Variants in SNTB1 observed in about 807,000 individuals in gnomAD.
SNTB1 encodes the protein syntrophin beta 1.
In SNTB1, 36 loss-of-function variants were observed where a neutral mutation model predicts 48.9. The ratio of observed to expected loss-of-function variants is 0.74; its 90% confidence interval spans 0.56 to 0.97. SNTB1 has a LOEUF of 0.97. Ranked by LOEUF, SNTB1 falls within the 50% of genes least tolerant of loss-of-function variation. The probability of loss-of-function intolerance (pLI) is 0.00; values close to 1 mark genes in which losing one functional copy is unlikely to be tolerated. For synonymous variants in SNTB1, 299 were observed against 294.6 expected (o/e 1.01, Z -0.15); for missense variants, 786 against 703.4 (o/e 1.12, Z -1.33).
intron 1 of SNTB1, among the ~76,000 whole-genome samples, chr8:120,766,694 G>A (rs374689107): frequency 6.6e-6 from 1 of 152,108 alleles, no homozygotes; most frequent in Non-Finnish European, 1.5e-5. Flanking sequence ...ACTGTATAGC[G>A]CTATAATTGG....
intron 2 of SNTB1, among the ~76,000 whole-genome samples, chr8:120,673,673 T>C (rs1254276209): frequency 6.6e-6 from 1 of 151,950 alleles, no homozygotes; most frequent in African/African-American, 2.4e-5. Flanking sequence ...TTCCCAGAAG[T>C]GCCTGTTTCA....
intron 1 of SNTB1, among the ~76,000 whole-genome samples, chr8:120,798,617 C>A (rs941260829): frequency 6.6e-6 from 1 of 152,098 alleles, no homozygotes; most frequent in African/African-American, 2.4e-5. Flanking sequence ...CTCACAGGAA[C>A]TGTGCAATCA....
At chr8:120,801,912 G>A (rs777675297) in intron 1 of SNTB1, among the ~76,000 whole-genome samples, 2 of 152,116 alleles carry the variant, frequency 1.3e-5, no homozygotes, top group Non-Finnish European at 2.9e-5. Flanking sequence ...CCAAATTCGA[G>A]ACCTGCAAGT....
chr8:120,690,529 C>T (rs528555055), intron 2 of SNTB1, among the ~76,000 whole-genome samples: 7 of 152,288 alleles, frequency 4.6e-5, no homozygotes, highest in Middle Eastern at 3.4e-3. Flanking sequence ...ATAAATCAGT[C>T]CTTCCTTGTG....
intron 3 of SNTB1, among the ~76,000 whole-genome samples, chr8:120,605,675 AATG>A (rs1382567168): frequency 6.6e-6 from 1 of 152,110 alleles, no homozygotes; most frequent in African/African-American, 2.4e-5. Context: ...AACCTTCTGA[AATG>A]ATGACCTCAC....
chr8:120,786,916 C>A (rs1386941768), intron 1 of SNTB1, among the ~76,000 whole-genome samples: 1 of 152,206 alleles, frequency 6.6e-6, no homozygotes, highest in Non-Finnish European at 1.5e-5. Flanking sequence ...GAAGCCTGAA[C>A]TGTTCAACCC....
At chr8:120,768,067 A>G (rs1587145747) in intron 1 of SNTB1, among the ~76,000 whole-genome samples, 1 of 152,326 alleles carries the variant, frequency 6.6e-6, no homozygotes, top group Admixed American at 6.5e-5. Context: ...TGATCTGCCC[A>G]AGAGCCAGTT....
intron 3 of SNTB1, among the ~76,000 whole-genome samples, chr8:120,629,877 G>C (rs971978860): frequency 5.9e-5 from 9 of 152,210 alleles, no homozygotes; most frequent in African/African-American, 2.2e-4. Flanking sequence ...AAAACAGGAA[G>C]AGCTTTATAT....
chr8:120,788,182 G>A (rs1819959241), intron 1 of SNTB1, among the ~76,000 whole-genome samples: 1 of 152,032 alleles, frequency 6.6e-6, no homozygotes, highest in South Asian at 2.1e-4. Flanking sequence ...AAATGCTGGG[G>A]GAATTTGTCA....
intron 1 of SNTB1, among the ~76,000 whole-genome samples, chr8:120,714,490 T>TC (rs1818523664): frequency 6.6e-6 from 1 of 152,162 alleles, no homozygotes; most frequent in Admixed American, 6.5e-5. Flanking sequence ...GTCCTTTTTT[T>TC]TTTTTCTGGC....
At chr8:120,622,722 C>T (rs1306030978) in intron 3 of SNTB1, among the ~76,000 whole-genome samples, 5 of 152,132 alleles carry the variant, frequency 3.3e-5, no homozygotes, top group Non-Finnish European at 2.9e-5. Context: ...GTCTGTCCCA[C>T]CTAAAGGTCC....
intron 2 of SNTB1, among the ~76,000 whole-genome samples, chr8:120,674,620 C>A (rs117494759): frequency 6.6e-6 from 1 of 152,134 alleles, no homozygotes; most frequent in Non-Finnish European, 1.5e-5. Flanking sequence ...GTTTTTTTTC[C>A]TTACATTCTT....
intron 1 of SNTB1, among the ~76,000 whole-genome samples, chr8:120,766,948 T>C (rs943412408): frequency 6.6e-6 from 1 of 152,234 alleles, no homozygotes; most frequent in African/African-American, 2.4e-5. Flanking sequence ...ATCTTATTTC[T>C]AATTATATGA....
intron 1 of SNTB1, among the ~76,000 whole-genome samples, chr8:120,799,788 A>C (rs547840306): frequency 6.6e-6 from 1 of 152,068 alleles, no homozygotes; most frequent in South Asian, 2.1e-4. Flanking sequence ...ACACTTGGGG[A>C]CCAAAGAAAT....
chr8:120,689,307 A>T (rs997337502), intron 2 of SNTB1, among the ~76,000 whole-genome samples: 48 of 152,212 alleles, frequency 3.2e-4, no homozygotes. Flanking sequence ...GGACACCATT[A>T]ACTCCTGGCC....
intron 1 of SNTB1, among the ~76,000 whole-genome samples, chr8:120,779,146 A>T (rs543898718): frequency 1.3e-5 from 2 of 152,340 alleles, no homozygotes; most frequent in South Asian, 4.1e-4. Flanking sequence ...GGATCTAATC[A>T]AGGATTTTTG....
chr8:120,710,928 G>A (rs528544875), intron 1 of SNTB1, among the ~76,000 whole-genome samples: 1 of 152,184 alleles, frequency 6.6e-6, no homozygotes, highest in African/African-American at 2.4e-5. Flanking sequence ...GTGTTAAAAC[G>A]CAACTCTTCC....
At chr8:120,541,390 C>G (rs1200999341) in intron 6 of SNTB1, among the ~76,000 whole-genome samples, 1 of 152,120 alleles carries the variant, frequency 6.6e-6, no homozygotes, top group African/African-American at 2.4e-5. Flanking sequence ...CCTCCTGTCT[C>G]TTTGCTCTCT....
At chr8:120,724,008 T>A (rs1818713850) in intron 1 of SNTB1, among the ~76,000 whole-genome samples, 1 of 152,188 alleles carries the variant, frequency 6.6e-6, no homozygotes, top group Non-Finnish European at 1.5e-5. Flanking sequence ...CTTAATGGAG[T>A]TAGAGCTAGA....
Sources: allele counts gnomAD v4.1 joint callset (sites outside exome capture counted in the v4.1 genomes callset), GRCh38; gene constraint gnomAD v4.1.1; transcripts MANE v1.5; gene names NCBI Gene and HGNC (gene_info 2026-07-23, HGNC 2026-07-21).